Variants in BAIAP2L1 observed in about 807,000 individuals in gnomAD.
The protein encoded by BAIAP2L1 is BAR/IMD domain-containing adapter protein 2-like 1.
A neutral mutation model predicts 66.3 loss-of-function variants in BAIAP2L1; 35 were observed. The ratio of observed to expected loss-of-function variants is 0.53; its 90% CI spans 0.40 to 0.70. The LOEUF (loss-of-function observed/expected upper bound fraction) is 0.70, where lower values mean the gene tolerates loss of function less well. Among genes scored for constraint, BAIAP2L1 ranks in the 30% least tolerant of loss-of-function variants. The pLI is 0.00. For missense variants in BAIAP2L1, 622 were observed against 656.9 expected (o/e 0.95, Z 0.58); for synonymous variants, 269 against 248.7 (o/e 1.08, Z -0.77).
At chr7:98,322,723 C>G (rs961705590) in intron 3 of BAIAP2L1, 1 of 152,308 alleles carries the variant, frequency 6.6e-6, no homozygotes, top group Non-Finnish European at 1.5e-5. Flanking sequence ...TCATGCCTGC[C>G]CAACCCCAAT....
At position 98,299,947 on chromosome 7, in the gene BAIAP2L1, G is replaced by A. The variant is rs191292240; in HGVS notation, c.1422+4249C>T. On this transcript the variant is annotated intron_variant, in intron 12 of 13. Transcript: ENST00000005260. ...TCCCAGCTACTTAGGAGGCTGAGGCGGGAGAATTGCTTGAGCCCGGGAAGT... is the reference window on the plus strand; with the variant it reads ...TCCCAGCTACTTAGGAGGCTGAGGCAGGAGAATTGCTTGAGCCCGGGAAGT... Among the ~76,000 whole-genome samples, 131 of 152,200 alleles carry A rather than the reference G, an allele frequency of 8.6e-4. 1 individual carries two copies. Among genetic ancestry groups the A allele is most frequent in the African/African-American group, 2.9e-3 (119 of 41,524 alleles).
At chr7:98,365,696 T>C (rs575843139) in intron 1 of BAIAP2L1, among the ~76,000 whole-genome samples, 23 of 152,278 alleles carry the variant, frequency 1.5e-4, no homozygotes, top group African/African-American at 5.1e-4. Context: ...CCCAGACTGG[T>C]CTAAAACTCC....
At position 98,358,642 on chromosome 7, in the gene BAIAP2L1, C is replaced by G. The variant is rs139328882; in HGVS notation, c.128-3514G>C. On this transcript the variant is annotated intron_variant, in intron 2 of 13. Coordinates refer to ENST00000005260, the MANE Select transcript of BAIAP2L1 (RefSeq NM_018842.5). The stretch of plus-strand genomic sequence containing the variant: ...AAAGTGCTGGCATTACAGGCATAAG[C>G]CACCATACCTAGCATAGTTCTATTT... 3.3e-3 allele frequency among the ~76,000 whole-genome samples: 498 copies of G among 152,266 alleles called. 3 individuals are homozygous for G. The highest frequency in any genetic ancestry group is 0.011 in the African/African-American group (472 of 41,542).
At chr7:98,358,360 GTTTTTT>G (rs1193714783) in intron 2 of BAIAP2L1, among the ~76,000 whole-genome samples, 1 of 145,246 alleles carries the variant, frequency 6.9e-6, no homozygotes, top group African/African-American at 2.5e-5. Flanking sequence ...TTAGTTTTTT[GTTTTTT>G]TTTTTTTAAG....
intron 1 of BAIAP2L1, among the ~76,000 whole-genome samples, chr7:98,371,949 T>G (rs1241480981): frequency 1.3e-5 from 2 of 151,924 alleles, no homozygotes; most frequent in Admixed American, 6.6e-5. Context: ...TGCCCGCCAC[T>G]GCACCTGGCT....
At chr7:98,366,741 G>A (rs902528148) in intron 1 of BAIAP2L1, among the ~76,000 whole-genome samples, 2 of 152,174 alleles carry the variant, frequency 1.3e-5, no homozygotes, top group African/African-American at 2.4e-5. Flanking sequence ...TGGCACCTAC[G>A]CGCAACCAGT....
chr7:98,311,968 A>G (rs2116877138), intron 8 of BAIAP2L1, 129 bp downstream of exon 8: 2 of 903,740 alleles, frequency 2.2e-6, no homozygotes, highest in East Asian at 5.0e-5. Context: ...GTAAGGGGAT[A>G]GAGGTGCGAA....
At chr7:98,373,289 TC>T (rs1252554506) in intron 1 of BAIAP2L1, among the ~76,000 whole-genome samples, 1 of 152,186 alleles carries the variant, frequency 6.6e-6, no homozygotes, top group Non-Finnish European at 1.5e-5. Flanking sequence ...CTGAGATGTT[TC>T]CTTTGAGGTA....
At chr7:98,295,089 G>A (rs145461088) in intron 12 of BAIAP2L1, among the ~76,000 whole-genome samples, 1 of 152,192 alleles carries the variant, frequency 6.6e-6, no homozygotes, top group Non-Finnish European at 1.5e-5. Context: ...ACCCCCAGGG[G>A]GTCTCAGGGA....
rs1420068411 is a variant in BAIAP2L1 at position 98,292,003 on chromosome 7, TAC to T, written c.*1516_*1517del. 1 of 153,332 alleles carries T rather than the reference TAC, an allele frequency of 6.5e-6. No individual in the cohort carries two copies. The highest frequency in any genetic ancestry group is 2.4e-5 in the African/African-American group (1 of 41,472). 9.5% of individuals were successfully genotyped at this position (153,332 alleles called of 1,614,324 possible). A position where few individuals can be genotyped will look rare whatever the true frequency, so the allele number is the denominator to read the frequency against. The stretch of plus-strand genomic sequence containing the variant: ...CATGTGGCTGCAGCCCTTTCTGTAG[TAC>T]AGACTGGGGTTGTTAACATAGTTCA... On this transcript the variant is annotated 3_prime_UTR_variant, in exon 14 of 14. Transcript: ENST00000005260.
intron 3 of BAIAP2L1, chr7:98,323,446 TC>T (rs1179566526): frequency 1.3e-5 from 2 of 152,210 alleles, no homozygotes; most frequent in African/African-American, 4.8e-5. Context: ...CTCAAAGCAT[TC>T]GGTGATTTGA....
intron 5 of BAIAP2L1, 82 bp downstream of exon 5, chr7:98,319,976 A>T: frequency 9.2e-7 from 1 of 1,084,052 alleles, no homozygotes; most frequent in Non-Finnish European, 1.4e-6. Context: ...GCTGCTGATG[A>T]GTCAACAGTG....
intron 1 of BAIAP2L1, among the ~76,000 whole-genome samples, chr7:98,369,106 T>C (rs1396761421): frequency 3.9e-5 from 6 of 152,032 alleles, no homozygotes. Flanking sequence ...ACTCGGAGAT[T>C]TCACTCATTT....
At chr7:98,301,750 G>C (rs34695842) in intron 12 of BAIAP2L1, among the ~76,000 whole-genome samples, 1 of 151,884 alleles carries the variant, frequency 6.6e-6, no homozygotes, top group Non-Finnish European at 1.5e-5. Flanking sequence ...TGGCAGGTGC[G>C]GCCTGTGGAG....
Position 98,315,609 on chromosome 7 carries a change from C to G in BAIAP2L1, c.490G>C (p.Val164Leu). Residue 164 changes from valine to leucine, a missense_variant, in exon 7 of 14, where the codon GTG becomes CTG. Val to Leu is a conservative substitution (Grantham distance 32, BLOSUM62 1). Coordinates refer to ENST00000005260, the MANE Select transcript of BAIAP2L1 (RefSeq NM_018842.5). ...CTCTGACGAGAAGTAACGGTCTCCA[C>G]ATACTAAAAAAAAAAAAATAATAAT... ...LKYEHKEIEYVETVTSRQSEI... is the reference protein window; with the variant it reads ...LKYEHKEIEYLETVTSRQSEI... The G allele has an allele frequency of 8.4e-7, 1 of 1,185,332 alleles. No individual in the cohort carries two copies. 73.4% of individuals were successfully genotyped at this position (1,185,332 alleles called of 1,614,324 possible).
intron 5 of BAIAP2L1, among the ~76,000 whole-genome samples, chr7:98,317,944 G>A (rs1027438519): frequency 2.1e-5 from 3 of 141,534 alleles, no homozygotes; most frequent in African/African-American, 5.2e-5. Context: ...CACACTGGCC[G>A]GGGCCCTCAC....
intron 12 of BAIAP2L1, among the ~76,000 whole-genome samples, chr7:98,298,185 G>A (rs1044073074): frequency 8.5e-5 from 13 of 152,224 alleles, no homozygotes; most frequent in Non-Finnish European, 1.3e-4. Flanking sequence ...AATAAGACGC[G>A]CCGTCACAGG....
intron 1 of BAIAP2L1, chr7:98,386,035 A>G (rs1049151460): frequency 7.1e-7 from 1 of 1,412,454 alleles, no homozygotes; most frequent in East Asian, 2.3e-5. Flanking sequence ...CAATTTATTG[A>G]CCACTTCTTT....
At chr7:98,354,669 C>G (rs555487527) in intron 3 of BAIAP2L1, among the ~76,000 whole-genome samples, 2 of 152,122 alleles carry the variant, frequency 1.3e-5, no homozygotes, top group African/African-American at 2.4e-5. Context: ...GTAAAGGAGT[C>G]GGATTTTCTA....
Sources: gnomAD v4.1 joint callset for allele counts (sites outside exome capture counted in the v4.1 genomes callset) on GRCh38, gnomAD v4.1.1 for gene constraint, MANE v1.5 for transcripts, NCBI Gene and HGNC (gene_info 2026-07-23, HGNC 2026-07-21) for gene names.